Variants in ZC3H18 observed in about 807,000 individuals in gnomAD.
ZC3H18 encodes zinc finger CCCH-type containing 18.
A neutral mutation model predicts 106.1 loss-of-function variants in ZC3H18; 8 were observed. The observed-to-expected ratio is 0.08, with a 90% CI of 0.04 to 0.14. The LOEUF is 0.14. Ranked by LOEUF, ZC3H18 falls within the 10% of genes least tolerant of loss-of-function variation. The pLI is 1.00. For missense variants in ZC3H18, 1,318 were observed against 1,278.4 expected (o/e 1.03, Z -0.47); for synonymous variants, 635 against 522.1 (o/e 1.22, Z -2.95).
At chr16:88,623,704 C>T (rs1419113509) in intron 10 of ZC3H18, 1 of 611,568 alleles carries the variant, frequency 1.6e-6, no homozygotes, top group Non-Finnish European at 2.7e-6. Context: ...CTCCTCCTGT[C>T]CTGCACACAC....
intron 3 of ZC3H18, among the ~76,000 whole-genome samples, chr16:88,589,186 G>A (rs1227659685): frequency 6.6e-6 from 1 of 152,220 alleles, no homozygotes; most frequent in African/African-American, 2.4e-5. Flanking sequence ...GTGTTGGCAA[G>A]GATATGGAGA....
At chr16:88,590,985 T>C (rs1915718551) in intron 3 of ZC3H18, among the ~76,000 whole-genome samples, 1 of 151,154 alleles carries the variant, frequency 6.6e-6, no homozygotes, top group Non-Finnish European at 1.5e-5. Context: ...TTTTTTTTTT[T>C]TTTGAGATGG....
chr16:88,604,404 C>T (rs901243993), intron 6 of ZC3H18, among the ~76,000 whole-genome samples: 1 of 150,428 alleles, frequency 6.6e-6, no homozygotes, highest in African/African-American at 2.4e-5. Flanking sequence ...AATGAAATGA[C>T]GGCCGGGCAC....
rs1246423431 is a variant in ZC3H18, at chr16:88,575,834, C to A, written c.-14-1276C>A. On this transcript the variant is annotated intron_variant, in intron 1 of 17. Coordinates refer to ENST00000301011, the MANE Select transcript of ZC3H18 (RefSeq NM_144604.4). Reference sequence around the variant, plus strand: ...GCTTAAGCGATCCTCCTGCGTCAGACTCCCAAGTAGCTGGGAATATAGGCA... The same window carrying A: ...GCTTAAGCGATCCTCCTGCGTCAGAATCCCAAGTAGCTGGGAATATAGGCA... Among the ~76,000 whole-genome samples the A allele has an allele frequency of 5.3e-5, 8 of 151,984 alleles. No individual in the cohort carries two copies. The South Asian group carries it at 8.3e-4, about 16-fold the overall frequency.
intron 1 of ZC3H18, among the ~76,000 whole-genome samples, chr16:88,571,276 A>G (rs1054902998): frequency 6.6e-6 from 1 of 152,174 alleles, no homozygotes; most frequent in Non-Finnish European, 1.5e-5. Flanking sequence ...TGTTCGAACA[A>G]CGCTAACTCA....
At chr16:88,580,237 C>A (rs903925827) in intron 2 of ZC3H18, among the ~76,000 whole-genome samples, 2 of 149,404 alleles carry the variant, frequency 1.3e-5, no homozygotes, top group African/African-American at 5.0e-5. Context: ...CCTGCTGCTT[C>A]CCCTATTCCC....
chr16:88,601,122 G>A (rs1025621116), intron 6 of ZC3H18, among the ~76,000 whole-genome samples: 2 of 152,258 alleles, frequency 1.3e-5, no homozygotes, highest in African/African-American at 4.8e-5. Flanking sequence ...GAAGTTGGGG[G>A]AGGAAGCCCC....
intron 11 of ZC3H18, 140 bp from the exon 12 acceptor site, chr16:88,624,462 G>T: frequency 1.5e-6 from 2 of 1,335,190 alleles, no homozygotes; most frequent in Non-Finnish European, 2.1e-6. Context: ...GTGGGGAGCC[G>T]TGTCCAGGCA....
chr16:88,631,760 C>G lies in ZC3H18; in HGVS notation c.*461C>G, dbSNP rs898228967. On this transcript the variant is annotated 3_prime_UTR_variant, in exon 18 of 18. Transcript: ENST00000301011. ...CGCCCCTGATCACCCGCCCCCGGAT[C>G]AGAAATATATCTATATTCTCGACTA... The G allele has an allele frequency of 5.5e-6, 2 of 363,334 alleles. No homozygotes were observed. The highest frequency in any genetic ancestry group is 1.1e-5 in the Non-Finnish European group (2 of 184,746). The allele number at this position is 363,334 out of a possible 1,614,324, so 22.5% of individuals were successfully genotyped here.
intron 2 of ZC3H18, among the ~76,000 whole-genome samples, chr16:88,581,308 G>A (rs996842931): frequency 6.6e-6 from 1 of 152,158 alleles, no homozygotes; most frequent in African/African-American, 2.4e-5. Context: ...TTCTTTTTCA[G>A]AAGCGCTTTC....
chr16:88,608,739 A>G, intron 6 of ZC3H18, 195 bp from the exon 7 acceptor site: 1 of 459,832 alleles, frequency 2.2e-6, no homozygotes, highest in Non-Finnish European at 4.0e-6. Flanking sequence ...TCATCTGTGA[A>G]TAGAACCCTT....
chr16:88,591,667 A>G (rs1342079337), intron 3 of ZC3H18, among the ~76,000 whole-genome samples: 1 of 152,036 alleles, frequency 6.6e-6, no homozygotes, highest in East Asian at 1.9e-4. Context: ...GGTGGTTTCC[A>G]CCTCTAGGCA....
chr16:88,598,294 G>C lies in ZC3H18; in HGVS notation c.805G>C (p.Gly269Arg). ...PFPPNGAPPL[G>R]PHPLMPANPW... is the part of the protein sequence containing the mutation. Reference sequence around the variant, plus strand: ...CCCGCCTAATGGTGCCCCGCCTCTCGGACCTCACCCGCTGATGCCCGCCAA... The same window carrying C: ...CCCGCCTAATGGTGCCCCGCCTCTCCGACCTCACCCGCTGATGCCCGCCAA... Residue 269 changes from glycine (G) to arginine (R), a missense_variant, in exon 4 of 18, where the codon GGA (glycine) becomes CGA (arginine). Physicochemically the swap from Gly to Arg is moderately radical, Grantham distance 125 (BLOSUM62 -2). Around this residue, in one of 6 missense-constraint regions of ZC3H18, gnomAD observed 78 missense variants for 67.3 expected, o/e 1.16. Coordinates refer to ENST00000301011, the MANE Select transcript of ZC3H18 (RefSeq NM_144604.4). 6.2e-7 allele frequency: 1 copy of C among 1,606,354 alleles called. No individual in the cohort carries two copies. The highest frequency in any genetic ancestry group is 8.5e-7 in the Non-Finnish European group (1 of 1,177,922).
intron 3 of ZC3H18, 122 bp downstream of exon 3, chr16:88,586,806 T>G: frequency 1.5e-6 from 1 of 668,576 alleles, no homozygotes. Context: ...CATTACTGGC[T>G]AGGTGGTGGT....
At position 88,628,126 on chromosome 16, in the gene ZC3H18, G is replaced by T. The variant is rs1301801786; in HGVS notation, c.2469+7G>T. Reference sequence around the variant, plus strand: ...GTTGACACTGTTGAATAAGGTGAGGGCAAGGGCCCTCCTGGTGGCTGCCCC... The same window carrying T: ...GTTGACACTGTTGAATAAGGTGAGGTCAAGGGCCCTCCTGGTGGCTGCCCC... On this transcript the variant is annotated splice_region_variant and intron_variant, in intron 15 of 17. Transcript: ENST00000301011. 6.2e-7 allele frequency: 1 copy of T among 1,611,198 alleles called. No individual in the cohort carries two copies. Among genetic ancestry groups the T allele is most frequent in the African/African-American group, 1.3e-5 (1 of 74,860 alleles).
At chr16:88,578,935 G>A (rs773885679) in intron 2 of ZC3H18, among the ~76,000 whole-genome samples, 5 of 152,168 alleles carry the variant, frequency 3.3e-5, no homozygotes, top group African/African-American at 7.2e-5. Context: ...TGATCCGGCC[G>A]TCTCAGCCTC....
Position 88,598,287 on chromosome 16 carries a change from G to C in ZC3H18, c.798G>C (p.Pro266=). The C allele has an allele frequency of 6.2e-7, 1 of 1,610,306 alleles. No homozygotes were observed. Among genetic ancestry groups the C allele is most frequent in the Non-Finnish European group, 8.5e-7 (1 of 1,178,948 alleles). ...ACCCCTTCCCGCCTAATGGTGCCCC[G>C]CCTCTCGGACCTCACCCGCTGATGC... is the stretch of plus-strand genomic sequence containing the variant. ...KADPFPPNGA[P]PLGPHPLMPA... is the part of the protein sequence containing the mutation. Residue 266 remains proline, a synonymous_variant, in exon 4 of 18, where the codon CCG becomes CCC. Transcript: ENST00000301011.
intron 2 of ZC3H18, among the ~76,000 whole-genome samples, chr16:88,579,931 G>A (rs1025992160): frequency 2.0e-5 from 3 of 152,160 alleles, no homozygotes; most frequent in African/African-American, 4.8e-5. Context: ...GGGGGCAGCA[G>A]GCCTTTAACC....
At chr16:88,595,111 A>G (rs1904360194) in intron 3 of ZC3H18, among the ~76,000 whole-genome samples, 2 of 152,228 alleles carry the variant, frequency 1.3e-5, no homozygotes, top group South Asian at 2.1e-4. Context: ...AGATTGTGCC[A>G]TTGCACTCCA....
Sources: gnomAD v4.1 joint callset for allele counts (sites outside exome capture counted in the v4.1 genomes callset) on GRCh38, gnomAD v4.1.1 for gene constraint, gnomAD v4.1.1 regional missense constraint, MANE v1.5 for transcripts, NCBI Gene and HGNC (gene_info 2026-07-23, HGNC 2026-07-21) for gene names.